The following RYR2 variants were observed in gnomAD, a reference collection of about 807,000 sequenced individuals.
RYR2 encodes the protein cardiac muscle ryanodine receptor-calcium release channel.
In RYR2, 227 loss-of-function variants were observed where a neutral mutation model predicts 601.1. That is an observed-to-expected ratio of 0.38 (90% CI 0.34 to 0.42). RYR2 has a LOEUF of 0.42. RYR2 is among the 10% of genes least tolerant of loss of function. RYR2 has a pLI of 1.00. For synonymous variants in RYR2, 2,223 were observed against 2,175.1 expected, an observed-to-expected ratio of 1.02 and a Z score of -0.61; for missense variants, 4,646 against 6,156.5, an observed-to-expected ratio of 0.75 and a Z score of 8.21.
intron 25 of RYR2, among the ~76,000 whole-genome samples, chr1:237,542,060 T>G (rs2805451): frequency 5.4e-4 from 1 of 1,856 alleles, no homozygotes; most frequent in South Asian, 0.02. Flanking sequence ...ATTTTTGTCT[T>G]TATTTATTTA....
intron 71 of RYR2, among the ~76,000 whole-genome samples, chr1:237,714,947 C>G (rs1249582247): frequency 4.2e-5 from 5 of 119,112 alleles, no homozygotes; most frequent in Middle Eastern, 7.9e-3. Context: ...GAGCCGAGAT[C>G]ACACCACTGC....
intron 1 of RYR2, among the ~76,000 whole-genome samples, chr1:237,171,003 T>C (rs747638786): frequency 2.0e-5 from 3 of 151,904 alleles, no homozygotes; most frequent in Non-Finnish European, 4.4e-5. Context: ...CTCTTGAAAA[T>C]AGATTCTCCC....
intron 58 of RYR2, among the ~76,000 whole-genome samples, chr1:237,670,306 G>A (rs2148892145): frequency 7.1e-6 from 1 of 140,890 alleles, no homozygotes; most frequent in South Asian, 2.3e-4. Flanking sequence ...GGGAGAGGGA[G>A]ACTGGAGAGG....
At chr1:237,347,604 G>A (rs1040779637) in intron 3 of RYR2, among the ~76,000 whole-genome samples, 2 of 152,058 alleles carry the variant, frequency 1.3e-5, no homozygotes, top group Non-Finnish European at 2.9e-5. Flanking sequence ...CAGAAACGAT[G>A]TACTTTTACC....
chr1:237,101,795 C>T (rs2148520599), intron 1 of RYR2, among the ~76,000 whole-genome samples: 1 of 152,242 alleles, frequency 6.6e-6, no homozygotes, highest in East Asian at 1.9e-4. Context: ...ACCAAGTGTA[C>T]TTTTCATCTC....
At chr1:237,160,304 T>C (rs1277056234) in intron 1 of RYR2, among the ~76,000 whole-genome samples, 1 of 152,236 alleles carries the variant, frequency 6.6e-6, no homozygotes, top group Non-Finnish European at 1.5e-5. Flanking sequence ...GAAATGTTTT[T>C]CAGTGGTGCC....
intron 96 of RYR2, among the ~76,000 whole-genome samples, chr1:237,796,821 G>A (rs1418718004): frequency 6.6e-6 from 1 of 151,790 alleles, no homozygotes; most frequent in African/African-American, 2.4e-5. Flanking sequence ...GTCTCACTCT[G>A]TTGCCCAGGC....
rs533900055 is a variant in RYR2, at chr1:237,539,074, T to C, written c.2906+8564T>C. Among the ~76,000 whole-genome samples, 9 of 152,314 alleles carry C rather than the reference T, an allele frequency of 5.9e-5. No homozygotes were observed. In the South Asian group the frequency reaches 1.9e-3, roughly 32 times the overall value. ...CCATATAACCTAGATACAACCTAGATACACTGATAAAAGTCATAGATTAGA... is the reference window on the plus strand; with the variant it reads ...CCATATAACCTAGATACAACCTAGACACACTGATAAAAGTCATAGATTAGA... On this transcript the variant is annotated intron_variant, in intron 25 of 104. Coordinates refer to ENST00000366574, the MANE Select transcript of RYR2 (RefSeq NM_001035.3).
chr1:237,361,540 G>T (rs565633737), intron 4 of RYR2, among the ~76,000 whole-genome samples: 1 of 152,136 alleles, frequency 6.6e-6, no homozygotes, highest in Non-Finnish European at 1.5e-5. Flanking sequence ...TGAAATTGTT[G>T]CATTTGATAA....
chr1:237,488,678 C>T (rs894367616), intron 17 of RYR2, among the ~76,000 whole-genome samples: 2 of 152,134 alleles, frequency 1.3e-5, no homozygotes, highest in Admixed American at 6.5e-5. Context: ...CTAACTGATA[C>T]ATATATTCTC....
At position 237,674,218 on chromosome 1, in the gene RYR2, A is replaced by C; in HGVS notation, c.8713A>C (p.Arg2905=). The part of the protein sequence containing the change: ...FLQINGYAVS[R]GFKDLELDTP... ...GCAGATCAATGGATATGCTGTATCC[A>C]GGTAAAAGTACACATACCCTAAGTA... Residue 2905 remains arginine (R), a splice_region_variant and synonymous_variant, in exon 59 of 105, where the codon AGA becomes CGA. Transcript: ENST00000366574. The C allele has an allele frequency of 6.2e-7, 1 of 1,609,572 alleles. No homozygotes were observed. Among genetic ancestry groups the C allele is most frequent in the Non-Finnish European group, 8.5e-7 (1 of 1,176,230 alleles).
intron 74 of RYR2, among the ~76,000 whole-genome samples, chr1:237,725,983 A>G (rs1690160866): frequency 2.0e-5 from 3 of 152,032 alleles, no homozygotes; most frequent in African/African-American, 2.4e-5. Flanking sequence ...TTTTACTTCT[A>G]TGTTAAAGGC....
chr1:237,506,909 T>G (rs1466102567), intron 23 of RYR2, 95 bp downstream of exon 23: 10 of 1,017,984 alleles, frequency 9.8e-6, no homozygotes, highest in Non-Finnish European at 1.5e-5. Flanking sequence ...GTGACATCAA[T>G]CAGTTAGTTG....
chr1:237,452,808 A>G (rs921666480), intron 14 of RYR2, among the ~76,000 whole-genome samples: 2 of 151,464 alleles, frequency 1.3e-5, no homozygotes, highest in Non-Finnish European at 3.0e-5. Context: ...TGTTCTTCAT[A>G]AATTAAGATG....
chr1:237,705,164 T>G (rs184699999), intron 66 of RYR2, 49 bp from the exon 67 acceptor site: 1 of 1,541,890 alleles, frequency 6.5e-7, no homozygotes, highest in African/African-American at 1.4e-5. Context: ...ATGACTTTTT[T>G]AGTTACTCAC....
intron 85 of RYR2, among the ~76,000 whole-genome samples, chr1:237,771,230 G>A (rs181645468): frequency 6.6e-6 from 1 of 151,910 alleles, no homozygotes; most frequent in East Asian, 2.0e-4. Flanking sequence ...GAAACATAGC[G>A]AGACCCCCAT....
intron 2 of RYR2, 33 bp from the exon 3 acceptor site, chr1:237,330,845 A>T (rs776947643): frequency 2.6e-6 from 4 of 1,546,312 alleles, no homozygotes; most frequent in Non-Finnish European, 8.9e-7. Flanking sequence ...GATGAAGATG[A>T]TGCTGCTGAC....
chr1:237,451,634 T>G (rs1237015521), intron 14 of RYR2, among the ~76,000 whole-genome samples: 1 of 151,884 alleles, frequency 6.6e-6, no homozygotes, highest in Non-Finnish European at 1.5e-5. Flanking sequence ...TTTAATATAT[T>G]TAGAAGCTTT....
intron 49 of RYR2, among the ~76,000 whole-genome samples, chr1:237,649,472 A>G (rs567410033): frequency 6.6e-6 from 1 of 152,218 alleles, no homozygotes; most frequent in African/African-American, 2.4e-5. Context: ...AAATATGAAT[A>G]ATAAAGAGAA....
Sources: gnomAD v4.1 joint callset for allele counts (sites outside exome capture counted in the v4.1 genomes callset) on GRCh38, gnomAD v4.1.1 for gene constraint, MANE v1.5 for transcripts, NCBI Gene and HGNC (gene_info 2026-07-23, HGNC 2026-07-21) for gene names.